RALYL: variants seen among roughly 807,000 people sequenced by gnomAD.
RALYL encodes the protein RNA-binding Raly-like protein.
A neutral mutation model predicts 35.1 loss-of-function variants in RALYL; 29 were observed. The observed-to-expected ratio is 0.83, with a 90% CI of 0.61 to 1.13. The LOEUF (loss-of-function observed/expected upper bound fraction) is 1.13, where lower values mean the gene tolerates loss of function less well. Among genes scored for constraint, RALYL ranks in the 50% most tolerant of loss-of-function variants. RALYL has a pLI of 0.00. For missense variants in RALYL, 359 were observed against 360.4 expected, an observed-to-expected ratio of 1.00 and a Z score of 0.03; for synonymous variants, 120 against 127.6, an observed-to-expected ratio of 0.94 and a Z score of 0.40.
chr8:84,367,779 G>T (rs1854792116), intron 1 of RALYL, among the ~76,000 whole-genome samples: 1 of 151,786 alleles, frequency 6.6e-6, no homozygotes, highest in African/African-American at 2.4e-5. Context: ...CTGTCCTTTT[G>T]CTTTATCTCA....
Position 84,342,295 on chromosome 8 carries a change from T to TATATATAA in RALYL, c.-24+157872_-24+157873insTATATAAA, listed in dbSNP as rs1053647755. On this transcript the variant is annotated intron_variant, in intron 1 of 8. Transcript: ENST00000521268. ...ATCGTTCAATATATATATATATATA[T>TATATATAA]AAAACTCAAAAAGTGTGGTCCTCCC... 2.0e-4 allele frequency among the ~76,000 whole-genome samples: 24 copies of TATATATAA among 119,706 alleles called. 2 individuals carry two copies. The highest frequency in any genetic ancestry group is 8.6e-4 in the African/African-American group (23 of 26,656). 78.5% of individuals were successfully genotyped at this position (119,706 alleles called of 152,430 possible). A position where few individuals can be genotyped will look rare whatever the true frequency, so the allele number is the denominator to read the frequency against.
chr8:84,360,122 A>G (rs1035445167), intron 1 of RALYL, among the ~76,000 whole-genome samples: 1 of 152,068 alleles, frequency 6.6e-6, no homozygotes, highest in Non-Finnish European at 1.5e-5. Context: ...ATCCGCCCAC[A>G]TTGGCCTTCC....
At chr8:84,817,698 G>A (rs1233857466) in intron 4 of RALYL, among the ~76,000 whole-genome samples, 1 of 151,908 alleles carries the variant, frequency 6.6e-6, no homozygotes, top group East Asian at 1.9e-4. Context: ...GGAACTATAG[G>A]CATGAGCCAC....
At chr8:84,521,235 T>C (rs1020698670) in intron 1 of RALYL, among the ~76,000 whole-genome samples, 1 of 152,162 alleles carries the variant, frequency 6.6e-6, no homozygotes, top group African/African-American at 2.4e-5. Flanking sequence ...TCAGACACAG[T>C]GATAAGGCAG....
chr8:84,468,715 C>G (rs2052168234), intron 1 of RALYL, among the ~76,000 whole-genome samples: 1 of 150,748 alleles, frequency 6.6e-6, no homozygotes, highest in East Asian at 1.9e-4. Context: ...GGGAAGTTCT[C>G]CTGGATAATA....
intron 1 of RALYL, among the ~76,000 whole-genome samples, chr8:84,507,253 C>T (rs550828086): frequency 5.8e-4 from 88 of 152,072 alleles, no homozygotes; most frequent in Non-Finnish European, 1.0e-3. Flanking sequence ...TTGATTTTTT[C>T]TTATTGACTG....
chr8:84,300,820 G>A (rs1840631151), intron 1 of RALYL, among the ~76,000 whole-genome samples: 3 of 151,890 alleles, frequency 2.0e-5, no homozygotes, highest in Admixed American at 6.6e-5. Context: ...GCATACAGTT[G>A]GGTCTTGTCC....
intron 1 of RALYL, among the ~76,000 whole-genome samples, chr8:84,252,761 G>T (rs1450947302): frequency 1.3e-5 from 2 of 151,948 alleles, no homozygotes; most frequent in African/African-American, 2.4e-5. Flanking sequence ...CCTGAAATAG[G>T]CCTAACTGTT....
intron 1 of RALYL, among the ~76,000 whole-genome samples, chr8:84,514,803 G>C (rs916859280): frequency 2.0e-5 from 3 of 152,152 alleles, no homozygotes; most frequent in Admixed American, 2.0e-4. Context: ...GTGGATTGTT[G>C]CTTGTAGGTG....
chr8:84,242,987 T>TC (rs1468235219), intron 1 of RALYL, among the ~76,000 whole-genome samples: 1 of 152,236 alleles, frequency 6.6e-6, no homozygotes, highest in African/African-American at 2.4e-5. Context: ...TACATTTATG[T>TC]CTTTAATCCA....
chr8:84,462,931 T>G (rs753996005), intron 1 of RALYL, among the ~76,000 whole-genome samples: 14 of 151,870 alleles, frequency 9.2e-5, no homozygotes, highest in Non-Finnish European at 1.8e-4. Context: ...ACCTGAGTTA[T>G]TCATTCATTC....
At chr8:84,502,553 TA>T (rs1361479726) in intron 1 of RALYL, among the ~76,000 whole-genome samples, 5 of 151,966 alleles carry the variant, frequency 3.3e-5, no homozygotes, top group African/African-American at 1.2e-4. Flanking sequence ...AAAAATAGAA[TA>T]AAAAAGGTTT....
chr8:84,395,824 G>A (rs113687406), intron 1 of RALYL, among the ~76,000 whole-genome samples: 4,298 of 151,926 alleles, frequency 0.028, 197 homozygotes, highest in African/African-American at 0.098. Flanking sequence ...AATGAGAAAT[G>A]TGAATGTAAA....
intron 1 of RALYL, among the ~76,000 whole-genome samples, chr8:84,296,251 G>C (rs886189735): frequency 6.6e-6 from 1 of 152,138 alleles, no homozygotes; most frequent in South Asian, 2.1e-4. Context: ...CCATAACTTG[G>C]CATCTGCTAC....
chr8:84,857,140 T>G (rs969692212), intron 5 of RALYL, among the ~76,000 whole-genome samples: 3 of 152,004 alleles, frequency 2.0e-5, no homozygotes, highest in Non-Finnish European at 4.4e-5. Context: ...ACTGTACATC[T>G]GTCAAAGTTA....
rs376467008 is a variant in RALYL, at chr8:84,550,133, C to CT, written c.256+20561dup. Among the ~76,000 whole-genome samples the CT allele has an allele frequency of 1.9e-3, 285 of 152,138 alleles. 1 individual carries two copies. Among genetic ancestry groups the CT allele is most frequent in the African/African-American group, 6.0e-3 (249 of 41,520 alleles). On this transcript the variant is annotated intron_variant, in intron 2 of 8. Coordinates refer to ENST00000521268, the MANE Select transcript of RALYL (RefSeq NM_173848.7). ...CATTTCCATGTTTCTTTCCAAAGAACTTTTTAGTATTTCTTTAATATTAAT... is the reference window on the plus strand; with the variant it reads ...CATTTCCATGTTTCTTTCCAAAGAACTTTTTTAGTATTTCTTTAATATTAAT...
At chr8:84,617,066 G>C (rs1232119701) in intron 2 of RALYL, among the ~76,000 whole-genome samples, 1 of 150,684 alleles carries the variant, frequency 6.6e-6, no homozygotes, top group Non-Finnish European at 1.5e-5. Context: ...GATTGACTCG[G>C]TGATGCAGGC....
At chr8:84,472,831 G>T (rs2052943717) in intron 1 of RALYL, among the ~76,000 whole-genome samples, 2 of 152,120 alleles carry the variant, frequency 1.3e-5, no homozygotes, top group Non-Finnish European at 2.9e-5. Context: ...AGCTCTGAAA[G>T]TATTATTTTC....
intron 1 of RALYL, among the ~76,000 whole-genome samples, chr8:84,397,791 A>G (rs924971206): frequency 6.6e-6 from 1 of 152,208 alleles, no homozygotes; most frequent in Non-Finnish European, 1.5e-5. Flanking sequence ...ACAAGCAAAA[A>G]GCTGAACTCA....
Sources: allele counts gnomAD v4.1 joint callset (sites outside exome capture counted in the v4.1 genomes callset), GRCh38; gene constraint gnomAD v4.1.1; transcripts MANE v1.5; gene names NCBI Gene and HGNC (gene_info 2026-07-23, HGNC 2026-07-21).